Variants in BRINP3 observed in about 807,000 individuals in gnomAD.
BRINP3 encodes BMP/retinoic acid-inducible neural-specific protein 3.
In BRINP3, 19 loss-of-function variants were observed where a neutral mutation model predicts 71.0. The observed-to-expected ratio is 0.27, with a 90% confidence interval of 0.19 to 0.39. The LOEUF is 0.39. Among genes scored for constraint, BRINP3 ranks in the 10% least tolerant of loss-of-function variants. The probability of loss-of-function intolerance (pLI) is 1.00; values close to 1 mark genes in which losing one functional copy is unlikely to be tolerated. For missense variants in BRINP3, 959 were observed against 940.8 expected (o/e 1.02, Z -0.25); for synonymous variants, 380 against 337.7 (o/e 1.13, Z -1.37).
At chr1:190,281,342 A>T (rs1036613259) in intron 3 of BRINP3, among the ~76,000 whole-genome samples, 2 of 151,984 alleles carry the variant, frequency 1.3e-5, no homozygotes, top group African/African-American at 4.8e-5. Flanking sequence ...TAGATTGTAA[A>T]TAGCTTTCAT....
intron 2 of BRINP3, among the ~76,000 whole-genome samples, chr1:190,424,202 CT>C (rs1290273724): frequency 1.3e-5 from 2 of 151,646 alleles, no homozygotes; most frequent in Non-Finnish European, 3.0e-5. Context: ...AACCTTCATT[CT>C]AATTCTACTG....
chr1:190,407,290 A>T (rs1571971672), intron 2 of BRINP3, among the ~76,000 whole-genome samples: 1 of 152,254 alleles, frequency 6.6e-6, no homozygotes, highest in East Asian at 1.9e-4. Context: ...ATTGATGAAA[A>T]ATATGCATCC....
At chr1:190,256,327 C>T (rs1457399684) in intron 4 of BRINP3, among the ~76,000 whole-genome samples, 2 of 151,786 alleles carry the variant, frequency 1.3e-5, no homozygotes, top group Non-Finnish European at 2.9e-5. Context: ...CTTTTTTTTG[C>T]TTTCCATTTG....
At chr1:190,325,749 T>A (rs991974012) in intron 2 of BRINP3, among the ~76,000 whole-genome samples, 1 of 152,096 alleles carries the variant, frequency 6.6e-6, no homozygotes, top group East Asian at 1.9e-4. Context: ...TCTGACACAA[T>A]CTTTGTCATT....
intron 2 of BRINP3, among the ~76,000 whole-genome samples, chr1:190,396,131 G>A (rs1029705851): frequency 1.3e-5 from 2 of 151,770 alleles, no homozygotes; most frequent in Admixed American, 1.3e-4. Flanking sequence ...TTGCCATTGT[G>A]TAGATGGGAA....
At chr1:190,307,040 G>A (rs1355425170) in intron 2 of BRINP3, among the ~76,000 whole-genome samples, 1 of 151,684 alleles carries the variant, frequency 6.6e-6, no homozygotes, top group African/African-American at 2.4e-5. Flanking sequence ...AAACTCTTGA[G>A]TGTCTACTGA....
intron 6 of BRINP3, among the ~76,000 whole-genome samples, chr1:190,181,137 T>A (rs929853335): frequency 3.3e-5 from 5 of 152,094 alleles, no homozygotes; most frequent in African/African-American, 1.2e-4. Flanking sequence ...GAAAGTGTAA[T>A]ACACATGAAA....
chr1:190,320,897 T>A (rs901441830), intron 2 of BRINP3, among the ~76,000 whole-genome samples: 2 of 152,080 alleles, frequency 1.3e-5, no homozygotes, highest in African/African-American at 4.8e-5. Flanking sequence ...AACATTTTCA[T>A]GAAACAATAT....
At chr1:190,319,892 A>G (rs1213973430) in intron 2 of BRINP3, among the ~76,000 whole-genome samples, 1 of 152,138 alleles carries the variant, frequency 6.6e-6, no homozygotes, top group Non-Finnish European at 1.5e-5. Context: ...TTATCTTTGC[A>G]CATTTGACGC....
At chr1:190,116,101 C>T (rs1653113920) in intron 7 of BRINP3, among the ~76,000 whole-genome samples, 1 of 152,030 alleles carries the variant, frequency 6.6e-6, no homozygotes, top group East Asian at 1.9e-4. Flanking sequence ...TTTCCTAAAG[C>T]TGCGTACAAT....
chr1:190,203,904 A>T (rs922061017), intron 6 of BRINP3, among the ~76,000 whole-genome samples: 3 of 149,238 alleles, frequency 2.0e-5, no homozygotes, highest in Non-Finnish European at 4.5e-5. Flanking sequence ...AATGATAAAC[A>T]TCTATCACAA....
chr1:190,335,046 A>T (rs1667200095), intron 2 of BRINP3, among the ~76,000 whole-genome samples: 1 of 151,784 alleles, frequency 6.6e-6, no homozygotes, highest in East Asian at 1.9e-4. Flanking sequence ...ATTACTCCCT[A>T]TTGCTTTTTC....
At chr1:190,254,381 G>A (rs150699915) in intron 4 of BRINP3, among the ~76,000 whole-genome samples, 5,493 of 151,710 alleles carry the variant, frequency 0.036, 153 homozygotes, top group Middle Eastern at 0.065. Context: ...CCATTTTCAC[G>A]ATATTGATTC....
intron 6 of BRINP3, among the ~76,000 whole-genome samples, chr1:190,208,062 C>T (rs1325814572): frequency 1.3e-5 from 2 of 152,178 alleles, no homozygotes; most frequent in South Asian, 4.1e-4. Flanking sequence ...ATATTCACAC[C>T]TTAGCCTTCC....
chr1:190,348,236 A>T (rs560965680), intron 2 of BRINP3, among the ~76,000 whole-genome samples: 1 of 152,138 alleles, frequency 6.6e-6, no homozygotes, highest in Non-Finnish European at 1.5e-5. Context: ...AAAGATTTTT[A>T]TCTGAGATAT....
At chr1:190,358,322 G>A (rs563967939) in intron 2 of BRINP3, among the ~76,000 whole-genome samples, 2 of 151,990 alleles carry the variant, frequency 1.3e-5, no homozygotes, top group African/African-American at 4.8e-5. Context: ...AAGAAAAAAA[G>A]CAAACAATCC....
chr1:190,103,622 G>T (rs898626693), intron 7 of BRINP3, among the ~76,000 whole-genome samples: 5 of 151,942 alleles, frequency 3.3e-5, no homozygotes, highest in African/African-American at 7.2e-5. Flanking sequence ...TGTTATTAGG[G>T]ATTCCTTAAA....
At chr1:190,171,431 G>T (rs1333038380) in intron 6 of BRINP3, among the ~76,000 whole-genome samples, 1 of 152,096 alleles carries the variant, frequency 6.6e-6, no homozygotes, top group Non-Finnish European at 1.5e-5. Context: ...CTCTCCTCTT[G>T]TAGGCCAATT....
intron 2 of BRINP3, among the ~76,000 whole-genome samples, chr1:190,289,366 A>T (rs922089216): frequency 6.6e-6 from 1 of 151,962 alleles, no homozygotes; most frequent in Non-Finnish European, 1.5e-5. Context: ...GTGTTGCTGC[A>T]GGTCATAGGC....
Sources: gnomAD v4.1 joint callset for allele counts (sites outside exome capture counted in the v4.1 genomes callset) on GRCh38, gnomAD v4.1.1 for gene constraint, MANE v1.5 for transcripts, NCBI Gene and HGNC (gene_info 2026-07-23, HGNC 2026-07-21) for gene names.